The following MIR2052HG variants were observed in gnomAD, a reference collection of about 807,000 sequenced individuals.
MIR2052HG encodes the protein MIR2052 host gene.
chr8:74,673,467 A>G (rs1468501456), intron 2 of MIR2052HG, among the ~76,000 whole-genome samples: 2 of 152,028 alleles, frequency 1.3e-5, no homozygotes, highest in Admixed American at 1.3e-4. Context: ...TTGGTTGGCT[A>G]TCAAAATTGT....
intron 2 of MIR2052HG, among the ~76,000 whole-genome samples, chr8:74,684,513 T>G (rs2128739360): frequency 6.6e-6 from 1 of 152,214 alleles, no homozygotes; most frequent in East Asian, 1.9e-4. Context: ...TTTCCCATTC[T>G]AACACATTGC....
chr8:74,670,266 C>A (rs1480469765), intron 2 of MIR2052HG, among the ~76,000 whole-genome samples: 2 of 139,284 alleles, frequency 1.4e-5, no homozygotes, highest in Non-Finnish European at 1.5e-5. Flanking sequence ...GTGCAAGGAA[C>A]AGTGCACTTA....
chr8:74,615,705 C>G (rs1380893900), intron 2 of MIR2052HG, among the ~76,000 whole-genome samples: 2 of 151,884 alleles, frequency 1.3e-5, no homozygotes, highest in Non-Finnish European at 2.9e-5. Context: ...TGGTGTGCTG[C>G]ACCCATTAAC....
chr8:74,600,441 G>T (rs1807979386), intron 1 of MIR2052HG, among the ~76,000 whole-genome samples: 1 of 151,320 alleles, frequency 6.6e-6, no homozygotes, highest in Non-Finnish European at 1.5e-5. Context: ...AAATTAGCCG[G>T]GCGTGGTTGC....
At chr8:74,642,287 A>G (rs1808646597) in intron 2 of MIR2052HG, among the ~76,000 whole-genome samples, 1 of 152,148 alleles carries the variant, frequency 6.6e-6, no homozygotes, top group Non-Finnish European at 1.5e-5. Flanking sequence ...TACTTCAAGA[A>G]GATGTCATTT....
chr8:74,640,365 G>T (rs1808626249), intron 2 of MIR2052HG, among the ~76,000 whole-genome samples: 1 of 151,700 alleles, frequency 6.6e-6, no homozygotes, highest in African/African-American at 2.4e-5. Context: ...CAGCTACTCG[G>T]GAGGCTGAGG....
At chr8:74,633,863 A>G (rs1332959492) in intron 2 of MIR2052HG, among the ~76,000 whole-genome samples, 1 of 152,246 alleles carries the variant, frequency 6.6e-6, no homozygotes, top group African/African-American at 2.4e-5. Flanking sequence ...TAATGGAGAT[A>G]TAATGCTCTG....
chr8:74,604,199 TG>T, intron 1 of MIR2052HG: 1 of 890,160 alleles, frequency 1.1e-6, no homozygotes, highest in Non-Finnish European at 1.9e-6. Flanking sequence ...AGTAGTCGGA[TG>T]GTGAGAGTGA....
intron 2 of MIR2052HG, among the ~76,000 whole-genome samples, chr8:74,621,863 CTA>C (rs964878920): frequency 6.6e-6 from 1 of 152,166 alleles, no homozygotes; most frequent in Non-Finnish European, 1.5e-5. Flanking sequence ...AAGAATGAAA[CTA>C]GACCCTTATC....
chr8:74,609,773 T>G (rs1231962990), intron 1 of MIR2052HG: 22 of 150,172 alleles, frequency 1.5e-4, no homozygotes, highest in Admixed American at 1.5e-3. Flanking sequence ...ATTCTTAACC[T>G]AAAACTCTCA....
intron 2 of MIR2052HG, among the ~76,000 whole-genome samples, chr8:74,664,732 G>A (rs989869700): frequency 1.6e-4 from 24 of 151,986 alleles, no homozygotes; most frequent in South Asian, 6.2e-4. Context: ...TTGGCCAGCC[G>A]GTCTCGAACT....
At chr8:74,607,835 C>T (rs1309954195) in intron 1 of MIR2052HG, among the ~76,000 whole-genome samples, 2 of 152,130 alleles carry the variant, frequency 1.3e-5, no homozygotes, top group African/African-American at 4.8e-5. Flanking sequence ...GTACAGCCTT[C>T]CTGTCTTAAG....
At chr8:74,687,693 G>A (rs574357749) in intron 2 of MIR2052HG, among the ~76,000 whole-genome samples, 3 of 151,976 alleles carry the variant, frequency 2.0e-5, no homozygotes, top group East Asian at 1.9e-4. Context: ...AGGGAAATAG[G>A]GACTTGTTCA....
intron 2 of MIR2052HG, among the ~76,000 whole-genome samples, chr8:74,621,698 A>T (rs1348167160): frequency 6.6e-6 from 1 of 152,240 alleles, no homozygotes; most frequent in African/African-American, 2.4e-5. Context: ...TTACAATTCA[A>T]GGTGAGATTT....
chr8:74,750,287 A>T (rs73687270), intron 4 of MIR2052HG, among the ~76,000 whole-genome samples: 2,870 of 152,328 alleles, frequency 0.019, 80 homozygotes, highest in African/African-American at 0.065. Context: ...ATATTTTACT[A>T]GCAAATTATA....
intron 3 of MIR2052HG, chr8:74,702,500 C>A: frequency 2.4e-6 from 1 of 413,424 alleles, no homozygotes; most frequent in Non-Finnish European, 5.0e-6. Flanking sequence ...TCAATGTCTG[C>A]ACACATCCTA....
At chr8:74,618,878 C>T (rs953844240) in intron 2 of MIR2052HG, among the ~76,000 whole-genome samples, 5 of 152,124 alleles carry the variant, frequency 3.3e-5, no homozygotes, top group South Asian at 2.1e-4. Context: ...ATGACATGCT[C>T]TTATATAAAA....
chr8:74,612,934 G>A (rs1563512319), exon 2 of MIR2052HG: 3 of 456,274 alleles, frequency 6.6e-6, no homozygotes, highest in Middle Eastern at 3.3e-4. Context: ...CAGAACTGGA[G>A]TGGAAGGTGG....
chr8:74,603,552 A>T (rs1201825030), intron 1 of MIR2052HG: 12 of 1,528,018 alleles, frequency 7.9e-6, no homozygotes, highest in Non-Finnish European at 9.1e-7. Context: ...CCAAACCTGC[A>T]CTGAATCCAG....
Sources: allele counts gnomAD v4.1 joint callset (sites outside exome capture counted in the v4.1 genomes callset), GRCh38; gene constraint gnomAD v4.1.1; transcripts MANE v1.5; gene names NCBI Gene and HGNC (gene_info 2026-07-23, HGNC 2026-07-21).